Variants in OSBPL11 observed in about 807,000 individuals in gnomAD.
OSBPL11 encodes oxysterol binding protein like 11.
In OSBPL11, 33 loss-of-function variants were observed where a neutral mutation model predicts 84.4. The observed-to-expected ratio is 0.39, with a 90% CI of 0.30 to 0.52. The LOEUF is 0.52. Among genes scored for constraint, OSBPL11 ranks in the 20% least tolerant of loss-of-function variants. The pLI, the probability that OSBPL11 is intolerant of heterozygous loss-of-function variation, is 0.72. For missense variants in OSBPL11, 736 were observed against 901.1 expected, an observed-to-expected ratio of 0.82 and a Z score of 2.35; for synonymous variants, 276 against 310.2, an observed-to-expected ratio of 0.89 and a Z score of 1.16.
intron 1 of OSBPL11, among the ~76,000 whole-genome samples, chr3:125,593,324 A>T (rs1400503618): frequency 6.6e-6 from 1 of 152,112 alleles, no homozygotes; most frequent in East Asian, 1.9e-4. Context: ...CTTACCAATA[A>T]AAAGTTATCT....
chr3:125,567,717 G>T (rs1325192820), intron 5 of OSBPL11, 122 bp from the exon 6 acceptor site: 18 of 758,176 alleles, frequency 2.4e-5, no homozygotes, highest in Non-Finnish European at 2.6e-5. Flanking sequence ...ACTAGGCTAG[G>T]CATGGTGGCT....
intron 7 of OSBPL11, among the ~76,000 whole-genome samples, chr3:125,562,664 C>T (rs756840189): frequency 6.6e-6 from 1 of 152,170 alleles, no homozygotes; most frequent in Non-Finnish European, 1.5e-5. Flanking sequence ...CGGTAGCTCA[C>T]ACCTGTAATC....
chr3:125,566,007 T>TATA (rs1936148580), intron 6 of OSBPL11, among the ~76,000 whole-genome samples: 1 of 152,062 alleles, frequency 6.6e-6, no homozygotes, highest in Admixed American at 6.6e-5. Flanking sequence ...CCCTACACGT[T>TATA]ATTATTATTA....
intron 9 of OSBPL11, among the ~76,000 whole-genome samples, chr3:125,549,048 T>C (rs1271080426): frequency 1.3e-5 from 2 of 150,990 alleles, no homozygotes; most frequent in Non-Finnish European, 2.9e-5. Flanking sequence ...TGAAATGGAG[T>C]TTCACTCTTG....
At chr3:125,551,995 TA>T (rs1935915914) in intron 9 of OSBPL11, among the ~76,000 whole-genome samples, 185 bp downstream of exon 9, 1 of 151,898 alleles carries the variant, frequency 6.6e-6, no homozygotes, top group Non-Finnish European at 1.5e-5. Context: ...AGTTTGATAT[TA>T]AAAATTATAA....
chr3:125,563,869 CT>C (rs1002172688), intron 6 of OSBPL11, 26 bp from the exon 7 acceptor site: 2 of 1,607,028 alleles, frequency 1.2e-6, no homozygotes, highest in African/African-American at 2.7e-5. Context: ...AAAACTTTCG[CT>C]GAAACTTGCT....
intron 11 of OSBPL11, among the ~76,000 whole-genome samples, chr3:125,533,950 C>T (rs1935599143): frequency 6.6e-6 from 1 of 152,200 alleles, no homozygotes; most frequent in African/African-American, 2.4e-5. Flanking sequence ...CCTCAGCCTC[C>T]TGAGTAGCTG....
chr3:125,560,871 G>T (rs1018263320), intron 7 of OSBPL11, among the ~76,000 whole-genome samples: 2 of 152,028 alleles, frequency 1.3e-5, no homozygotes, highest in African/African-American at 2.4e-5. Flanking sequence ...GCTCATTTTT[G>T]TATTTTTAGT....
At chr3:125,563,866 T>G in intron 6 of OSBPL11, 23 bp from the exon 7 acceptor site, 1 of 1,607,552 alleles carries the variant, frequency 6.2e-7, no homozygotes, top group Non-Finnish European at 8.5e-7. Flanking sequence ...GAGAAAACTT[T>G]CGCTGAAACT....
intron 10 of OSBPL11, 27 bp from the exon 11 acceptor site, chr3:125,538,660 T>C: frequency 3.2e-6 from 5 of 1,578,862 alleles, no homozygotes; most frequent in Non-Finnish European, 4.3e-6. Flanking sequence ...AAGAAAGATA[T>C]GCTCTAATAA....
intron 11 of OSBPL11, among the ~76,000 whole-genome samples, chr3:125,537,159 CAAAAAA>C (rs574427912): frequency 1.1e-5 from 1 of 88,228 alleles, no homozygotes; most frequent in Non-Finnish European, 2.4e-5. Context: ...GACCCTGTCT[CAAAAAA>C]AAAAAAAAAA....
chr3:125,542,175 C>T (rs534286523), intron 10 of OSBPL11, among the ~76,000 whole-genome samples: 2 of 152,178 alleles, frequency 1.3e-5, no homozygotes, highest in South Asian at 4.1e-4. Flanking sequence ...CAGAAACAGA[C>T]TTCCTGCATA....
intron 1 of OSBPL11, among the ~76,000 whole-genome samples, chr3:125,584,524 T>A (rs775437007): frequency 2.0e-5 from 3 of 152,226 alleles, no homozygotes; most frequent in Non-Finnish European, 2.9e-5. Context: ...AGATATTTCA[T>A]AATTCGCCAT....
At chr3:125,537,715 C>T (rs976631679) in intron 11 of OSBPL11, among the ~76,000 whole-genome samples, 6 of 151,766 alleles carry the variant, frequency 4.0e-5, no homozygotes, top group African/African-American at 1.5e-4. Context: ...CATTTTATGT[C>T]CCTCATGACA....
Position 125,538,584 on chromosome 3 carries a change from C to G in OSBPL11, c.1891G>C (p.Val631Leu), listed in dbSNP as rs1222567167. ...HNITNTVVCR[V>L]QGEWNSVLEF... ...AGAACACTATTCCATTCCCCTTGCA[C>G]TCTGCATACCACAGTGTTGGTGATG... Residue 631 changes from valine to leucine, a missense_variant, in exon 11 of 13, where the codon GTG becomes CTG. Physicochemically the swap from Val to Leu is conservative, Grantham distance 32 (BLOSUM62 1). This residue lies in a region of OSBPL11 where 579 missense variants were observed against 717.6 expected (regional missense o/e 0.81). Transcript: ENST00000296220. The G allele has an allele frequency of 1.9e-6, 3 of 1,613,828 alleles. No homozygotes were observed. Among genetic ancestry groups the G allele is most frequent in the South Asian group, 2.2e-5 (2 of 91,038 alleles).
chr3:125,539,701 G>A (rs1394733424), intron 10 of OSBPL11, among the ~76,000 whole-genome samples: 1 of 151,950 alleles, frequency 6.6e-6, no homozygotes, highest in Non-Finnish European at 1.5e-5. Context: ...TGCGTGCCTC[G>A]GCCTCCCAAA....
chr3:125,571,039 G>A (rs1274061418), intron 5 of OSBPL11, among the ~76,000 whole-genome samples: 1 of 152,204 alleles, frequency 6.6e-6, no homozygotes, highest in African/African-American at 2.4e-5. Context: ...CTTGTTGAAT[G>A]GCTTTGCCCA....
intron 10 of OSBPL11, among the ~76,000 whole-genome samples, chr3:125,539,344 T>A (rs867323048): frequency 1.0e-3 from 107 of 104,980 alleles, no homozygotes; most frequent in East Asian, 2.8e-3. Context: ...TATATATATA[T>A]AATAGCTATA....
chr3:125,569,875 A>T (rs946203189), intron 5 of OSBPL11, among the ~76,000 whole-genome samples: 2 of 152,210 alleles, frequency 1.3e-5, no homozygotes, highest in Non-Finnish European at 2.9e-5. Context: ...GGCAAAATAA[A>T]TCTATGGTGT....
Sources: allele counts gnomAD v4.1 joint callset (sites outside exome capture counted in the v4.1 genomes callset), GRCh38; gene constraint gnomAD v4.1.1; regional missense constraint gnomAD v4.1.1; transcripts MANE v1.5; gene names NCBI Gene and HGNC (gene_info 2026-07-23, HGNC 2026-07-21).